The following ZMYM1 variants were observed in gnomAD, a reference collection of about 807,000 sequenced individuals.
ZMYM1 encodes zinc finger MYM-type containing 1.
In ZMYM1, 39 loss-of-function variants were observed where a neutral mutation model predicts 60.0. That is an observed-to-expected ratio of 0.65 (90% CI 0.50 to 0.85). The LOEUF is 0.85. Ranked by LOEUF, ZMYM1 falls within the 40% of genes least tolerant of loss-of-function variation. ZMYM1 has a pLI of 0.00. For synonymous variants in ZMYM1, 413 were observed against 454.0 expected (o/e 0.91, Z 1.15); for missense variants, 1,171 against 1,309.5 (o/e 0.89, Z 1.63).
At chr1:35,068,949 GC>G (rs1467751140) in intron 1 of ZMYM1, among the ~76,000 whole-genome samples, 18 of 152,160 alleles carry the variant, frequency 1.2e-4, no homozygotes, top group South Asian at 6.2e-4. Flanking sequence ...CGATTCTCCT[GC>G]CTCAGCCTCC....
intron 1 of ZMYM1, among the ~76,000 whole-genome samples, chr1:35,091,257 G>C (rs1642980845): frequency 6.6e-6 from 1 of 152,068 alleles, no homozygotes; most frequent in Non-Finnish European, 1.5e-5. Context: ...GAGTCTCCCA[G>C]GCTGGAGTGC....
At position 35,113,079 on chromosome 1, in the gene ZMYM1, A is replaced by G. The variant is rs774435977; in HGVS notation, c.1249A>G (p.Ile417Val). Residue 417 changes from isoleucine to valine, a missense_variant, in exon 10 of 10, where the codon ATT becomes GTT. Transcript: ENST00000359858. ...TTCATCAGTATTCAGTCAGCATGCAATTGGTTCCAGTACAGAAGTACAAAA... is the reference window on the plus strand; with the variant it reads ...TTCATCAGTATTCAGTCAGCATGCAGTTGGTTCCAGTACAGAAGTACAAAA... Reference protein sequence around the residue: ...PSSSVFSQHAIGSSTEVQKDN... With the variant: ...PSSSVFSQHAVGSSTEVQKDN... 3.1e-6 allele frequency: 5 copies of G among 1,614,102 alleles called. No homozygotes were observed. The highest frequency in any genetic ancestry group is 1.1e-5 in the South Asian group (1 of 91,076).
At chr1:35,101,085 G>A (rs561608704) in intron 4 of ZMYM1, among the ~76,000 whole-genome samples, 6 of 150,636 alleles carry the variant, frequency 4.0e-5, no homozygotes, top group African/African-American at 1.5e-4. Context: ...TTATGGGCGT[G>A]AGCCACCGTA....
At chr1:35,100,361 C>T (rs1643577592) in intron 4 of ZMYM1, among the ~76,000 whole-genome samples, 1 of 151,934 alleles carries the variant, frequency 6.6e-6, no homozygotes, top group Admixed American at 6.6e-5. Context: ...GTGGTTCACA[C>T]CTGTAATCCC....
At chr1:35,090,128 G>A (rs921865871) in intron 1 of ZMYM1, among the ~76,000 whole-genome samples, 8 of 152,008 alleles carry the variant, frequency 5.3e-5, no homozygotes, top group Non-Finnish European at 1.5e-5. Flanking sequence ...GGATGGCCTC[G>A]ATCTCCTGAC....
At chr1:35,061,619 A>G (rs1298180844) in intron 1 of ZMYM1, among the ~76,000 whole-genome samples, 2 of 151,520 alleles carry the variant, frequency 1.3e-5, no homozygotes, top group Non-Finnish European at 2.9e-5. Flanking sequence ...TAGTAAAAAA[A>G]CAAAAAATTA....
chr1:35,115,088 A>C lies in ZMYM1; in HGVS notation c.3258A>C (p.Ser1086=). The C allele has an allele frequency of 6.2e-7, 1 of 1,614,038 alleles. No homozygotes were observed. The highest frequency in any genetic ancestry group is 1.1e-5 in the South Asian group (1 of 91,072). Residue 1086 remains serine, a synonymous_variant, in exon 10 of 10, where the codon TCA becomes TCC. Transcript: ENST00000359858. The part of the protein sequence containing the change: ...WPITSASTEN[S]FSTLPRLKTY... ...TTACTTCAGCAAGTACTGAGAACTC[A>C]TTTTCTACCCTGCCTCGTCTTAAGA...
At chr1:35,076,916 CAA>C (rs976641724), upstream of ZMYM1, among the ~76,000 whole-genome samples, 5 of 133,926 alleles carry the variant, frequency 3.7e-5, no homozygotes, top group African/African-American at 1.4e-4. Context: ...GCCAGGGTGA[CAA>C]GAGCAAAACT....
At chr1:35,102,412 G>A (rs779282292) in intron 4 of ZMYM1, among the ~76,000 whole-genome samples, 22 of 152,116 alleles carry the variant, frequency 1.4e-4, no homozygotes, top group African/African-American at 4.3e-4. Flanking sequence ...CTGGTTCACT[G>A]AGTTCTGCAG....
intron 1 of ZMYM1, among the ~76,000 whole-genome samples, chr1:35,087,839 G>A (rs537760723): frequency 6.6e-6 from 1 of 152,012 alleles, no homozygotes; most frequent in Non-Finnish European, 1.5e-5. Flanking sequence ...GAGGCCGGTG[G>A]ATCATGAGGT....
downstream of ZMYM1, chr1:35,115,966 C>T (rs543549727): frequency 6.6e-6 from 1 of 152,328 alleles, no homozygotes; most frequent in African/African-American, 2.4e-5. Context: ...TGGTGGTTCA[C>T]ACCTATAATC....
rs1643825606 is a variant in ZMYM1, at chr1:35,104,690, C to G, written c.728C>G (p.Ser243Cys). ...TGTGGCACTTACTGTTACACCAGCT[C>G]TAGTCTGTCCCACATACTTCAGATG... ...ENCGTYCYTSSSLSHILQMEG... is the reference protein window; with the variant it reads ...ENCGTYCYTSCSLSHILQMEG... The change falls in exon 6 of 10, where the codon TCT (serine) becomes TGT (cysteine). Residue 243 changes from serine (S) to cysteine (C), a missense_variant. By Grantham distance (112) the Ser-to-Cys change is moderately radical. Transcript: ENST00000359858. The G allele has an allele frequency of 6.2e-7, 1 of 1,614,060 alleles. No individual in the cohort carries two copies. The highest frequency in any genetic ancestry group is 8.5e-7 in the Non-Finnish European group (1 of 1,180,026).
chr1:35,118,803 CTTACATTAAG>C (rs1289338198), downstream of ZMYM1, among the ~76,000 whole-genome samples: 6 of 152,150 alleles, frequency 3.9e-5, no homozygotes, highest in Non-Finnish European at 7.3e-5. Flanking sequence ...AAAAAATAAA[CTTACATTAAG>C]TATAACAGCT....
intron 1 of ZMYM1, among the ~76,000 whole-genome samples, chr1:35,063,746 G>C (rs1269230714): frequency 6.6e-6 from 1 of 152,152 alleles, no homozygotes; most frequent in Non-Finnish European, 1.5e-5. Flanking sequence ...ACAATATTAC[G>C]TGAACAAGAT....
In ZMYM1 at chr1:35,104,823, C is replaced by G. The variant is rs878911581; in HGVS notation, c.807+54C>G. ...ATTAACTGGCCTATGAATGGTTTCA[C>G]TCTAGGAAAATGTGGGAAGTAGTTT... On this transcript the variant is annotated intron_variant, in intron 6 of 9. Transcript: ENST00000359858. 28 of 1,484,550 alleles carry G rather than the reference C, an allele frequency of 1.9e-5. No individual in the cohort carries two copies. The South Asian group carries it at 3.1e-4, about 16-fold the overall frequency. The allele number at this position is 1,484,550 out of a possible 1,614,324, so 92.0% of individuals were successfully genotyped here.
intron 1 of ZMYM1, among the ~76,000 whole-genome samples, chr1:35,082,036 A>G (rs566238603): frequency 6.6e-6 from 1 of 152,274 alleles, no homozygotes; most frequent in African/African-American, 2.4e-5. Flanking sequence ...TAACTTGGAG[A>G]TTCTTTTGAA....
chr1:35,100,833 C>T (rs1469478120), intron 4 of ZMYM1, among the ~76,000 whole-genome samples: 4 of 151,746 alleles, frequency 2.6e-5, no homozygotes, highest in Admixed American at 6.6e-5. Context: ...GACAAGGTCC[C>T]TGTCTGTCAC....
At chr1:35,112,828 A>C in intron 9 of ZMYM1, 149 bp from the exon 10 acceptor site, 1 of 601,578 alleles carries the variant, frequency 1.7e-6, no homozygotes, top group Non-Finnish European at 2.5e-6. Context: ...CAAATAAATA[A>C]GTTATACGTA....
intron 1 of ZMYM1, among the ~76,000 whole-genome samples, chr1:35,062,274 C>T (rs1315450753): frequency 6.6e-6 from 1 of 152,156 alleles, no homozygotes; most frequent in Non-Finnish European, 1.5e-5. Context: ...TGCAGTCCAG[C>T]CTCTTCCTCT....
Sources: allele counts gnomAD v4.1 joint callset (sites outside exome capture counted in the v4.1 genomes callset), GRCh38; gene constraint gnomAD v4.1.1; transcripts MANE v1.5; gene names NCBI Gene and HGNC (gene_info 2026-07-23, HGNC 2026-07-21).